The following CDH1 variants were observed in gnomAD, a reference collection of about 807,000 sequenced individuals.
CDH1 encodes cadherin-1.
Under a neutral mutation model 84.5 loss-of-function variants are expected in CDH1, and 35 were observed. The ratio of observed to expected loss-of-function variants is 0.41; its 90% confidence interval spans 0.32 to 0.55. The LOEUF (loss-of-function observed/expected upper bound fraction) is 0.55. Among genes scored for constraint, CDH1 ranks in the 20% least tolerant of loss-of-function variants. CDH1 has a pLI of 0.19. For missense variants in CDH1, 994 were observed against 1,126.6 expected, an observed-to-expected ratio of 0.88 and a Z score of 1.68; for synonymous variants, 417 against 439.0, an observed-to-expected ratio of 0.95 and a Z score of 0.63.
intron 10 of CDH1, among the ~76,000 whole-genome samples, chr16:68,818,138 G>C (rs1961028397): frequency 6.6e-6 from 1 of 151,210 alleles, no homozygotes; most frequent in East Asian, 1.9e-4. Flanking sequence ...TATTCAGGAG[G>C]CTGGGGCAGG....
chr16:68,760,918 G>T (rs1959215040), intron 2 of CDH1, among the ~76,000 whole-genome samples: 1 of 152,132 alleles, frequency 6.6e-6, no homozygotes, highest in African/African-American at 2.4e-5. Flanking sequence ...GCTGAGAGGG[G>T]GATGCCCCAA....
chr16:68,806,255 A>G lies in CDH1; in HGVS notation c.388-2169A>G, dbSNP rs545565050. 1.3e-4 allele frequency among the ~76,000 whole-genome samples: 19 copies of G among 151,468 alleles called. No individual in the cohort carries two copies. In the East Asian group the frequency reaches 3.3e-3, roughly 26 times the overall value. On this transcript the variant is annotated intron_variant, in intron 3 of 15. Coordinates refer to ENST00000261769, the MANE Select transcript of CDH1 (RefSeq NM_004360.5). ...CAACCTCTGCCTCCCGGGTTCAAGC[A>G]ATTCTCACGCCTCAGCCTCCCAAGT...
intron 10 of CDH1, among the ~76,000 whole-genome samples, 163 bp downstream of exon 10, chr16:68,815,922 T>C (rs1485638268): frequency 1.3e-5 from 2 of 152,252 alleles, no homozygotes; most frequent in Non-Finnish European, 2.9e-5. Flanking sequence ...CTTTCACCTG[T>C]TCCCTTCCCT....
intron 2 of CDH1, among the ~76,000 whole-genome samples, chr16:68,755,696 C>G (rs1298571844): frequency 6.6e-6 from 1 of 151,946 alleles, no homozygotes; most frequent in Admixed American, 6.6e-5. Flanking sequence ...ATGCTCATTC[C>G]AAGCCACTCC....
chr16:68,823,481 G>C lies in CDH1; in HGVS notation c.2019G>C (p.Gln673His), dbSNP rs1596965752. 4 of 1,614,078 alleles carry C rather than the reference G, an allele frequency of 2.5e-6. No homozygotes were observed. Among genetic ancestry groups the C allele is most frequent in the Non-Finnish European group, 2.5e-6 (3 of 1,179,998 alleles). ...TCAATCTCAAGCTCATGGATAACCA[G>C]AATAAAGACCAAGTGACCACCTTAG... ...YKINLKLMDN[Q>H]NKDQVTTLEV... Residue 673 changes from glutamine to histidine, a missense_variant, in exon 13 of 16, where the codon CAG (glutamine) becomes CAC (histidine). Physicochemically the swap from Gln to His is conservative, Grantham distance 24. Coordinates refer to ENST00000261769, the MANE Select transcript of CDH1 (RefSeq NM_004360.5).
chr16:68,821,320 T>A (rs1004511379), intron 11 of CDH1, among the ~76,000 whole-genome samples: 11 of 151,802 alleles, frequency 7.2e-5, no homozygotes, highest in African/African-American at 2.7e-4. Flanking sequence ...AAAAAAAATT[T>A]AAAAACTAGC....
rs202115589 is a variant in CDH1 at position 68,819,424 on chromosome 16, T to C, written c.1710T>C (p.Asn570=). 18 of 1,613,160 alleles carry C rather than the reference T, an allele frequency of 1.1e-5. No individual in the cohort carries two copies. In the Admixed American group the frequency reaches 2.8e-4, roughly 25 times the overall value. The change falls in exon 11 of 16, where the codon AAT becomes AAC. Residue 570 remains asparagine, a splice_region_variant and synonymous_variant. Coordinates refer to ENST00000261769, the MANE Select transcript of CDH1 (RefSeq NM_004360.5). ...TYTALIIATD[N]GSPVATGTGT... Reference sequence around the variant, plus strand: ...CAGCCCTAATCATAGCTACAGACAATGGTAAGGGGGCCTCATCTGAGCCTT... The same window carrying C: ...CAGCCCTAATCATAGCTACAGACAACGGTAAGGGGGCCTCATCTGAGCCTT...
rs1555518270 is a variant in CDH1, at chr16:68,833,444, G to A, written c.2594G>A (p.Trp865Ter). 6.2e-7 allele frequency: 1 copy of A among 1,614,158 alleles called. No individual in the cohort carries two copies. Among genetic ancestry groups the A allele is most frequent in the Non-Finnish European group, 8.5e-7 (1 of 1,180,030 alleles). Residue 865 changes from tryptophan to a stop codon, truncating the protein, a stop_gained, in exon 16 of 16, where the codon TGG becomes TAG. Coordinates refer to ENST00000261769, the MANE Select transcript of CDH1 (RefSeq NM_004360.5). LOFTEE classifies it high-confidence loss of function. ...KDQDYDYLNE[W>*]GNRFKKLADM... The stretch of plus-strand genomic sequence containing the variant: ...CAGGACTATGACTACTTGAACGAAT[G>A]GGGCAATCGCTTCAAGAAGCTGGCT...
intron 2 of CDH1, among the ~76,000 whole-genome samples, chr16:68,761,877 G>A (rs545953104): frequency 1.8e-4 from 27 of 152,174 alleles, no homozygotes; most frequent in South Asian, 4.1e-4. Flanking sequence ...GGCAGAGGGG[G>A]TGGCAGCATG....
At chr16:68,802,293 G>A (rs776869880) in intron 3 of CDH1, among the ~76,000 whole-genome samples, 2 of 152,172 alleles carry the variant, frequency 1.3e-5, no homozygotes, top group Non-Finnish European at 2.9e-5. Flanking sequence ...TAATGTTGGA[G>A]GAATTACGTC....
At chr16:68,779,194 G>A (rs1959808903) in intron 2 of CDH1, among the ~76,000 whole-genome samples, 1 of 152,208 alleles carries the variant, frequency 6.6e-6, no homozygotes, top group African/African-American at 2.4e-5. Context: ...CACCTGCAGT[G>A]CGGGCTTGAC....
chr16:68,757,682 C>G lies in CDH1; in HGVS notation c.163+19271C>G, dbSNP rs973867003. Among the ~76,000 whole-genome samples, 6 of 152,138 alleles carry G rather than the reference C, an allele frequency of 3.9e-5. 1 individual carries two copies. On this transcript the variant is annotated intron_variant, in intron 2 of 15. Transcript: ENST00000261769. ...CAGCAGGATTGCCTGGATTCCAATC[C>G]CAACTGGACCCTTACTTTTCCTGTG... is the stretch of plus-strand genomic sequence containing the variant.
At chr16:68,761,411 T>C (rs1959223774) in intron 2 of CDH1, among the ~76,000 whole-genome samples, 1 of 152,218 alleles carries the variant, frequency 6.6e-6, no homozygotes, top group African/African-American at 2.4e-5. Flanking sequence ...TCACCCATCC[T>C]ACCCATCCAT....
At chr16:68,823,334 AT>A in intron 12 of CDH1, 64 bp from the exon 13 acceptor site, 1 of 1,200,848 alleles carries the variant, frequency 8.3e-7, no homozygotes, top group East Asian at 2.3e-5. Flanking sequence ...TAGCAATTTT[AT>A]TCTGGAATGA....
Position 68,801,757 on chromosome 16 carries a change from C to T in CDH1, c.251C>T (p.Thr84Ile), listed in dbSNP as rs754388534. 3.7e-6 allele frequency: 6 copies of T among 1,614,054 alleles called. No individual in the cohort carries two copies. Among genetic ancestry groups the T allele is most frequent in the Non-Finnish European group, 4.2e-6 (5 of 1,179,986 alleles). ...AAAGTGGGCACAGATGGTGTGATTA[C>T]AGTCAAAAGGCCTCTACGGTTTCAT... ...RFKVGTDGVITVKRPLRFHNP... is the reference protein window; with the variant it reads ...RFKVGTDGVIIVKRPLRFHNP... The change falls in exon 3 of 16, where the codon ACA (threonine) becomes ATA (isoleucine). Residue 84 changes from threonine to isoleucine, a missense_variant. Coordinates refer to ENST00000261769, the MANE Select transcript of CDH1 (RefSeq NM_004360.5).
rs34912692 is a variant in CDH1 at position 68,745,128 on chromosome 16, G to T, written c.163+6717G>T. 2.6e-5 allele frequency among the ~76,000 whole-genome samples: 4 copies of T among 152,006 alleles called. No individual in the cohort carries two copies. The East Asian group carries it at 7.8e-4, about 30-fold the overall frequency. On this transcript the variant is annotated intron_variant, in intron 2 of 15. Transcript: ENST00000261769. The stretch of plus-strand genomic sequence containing the variant: ...AGTGGGAGGAGTGGGGCAAGGCGCA[G>T]CTAGGGCCGGGGGAGTCGGGATGAT...
chr16:68,762,063 C>T (rs1959234803), intron 2 of CDH1, among the ~76,000 whole-genome samples: 1 of 152,226 alleles, frequency 6.6e-6, no homozygotes, highest in Non-Finnish European at 1.5e-5. Flanking sequence ...AGGTTCTGAG[C>T]TGAGCACAGA....
At chr16:68,747,513 C>T (rs1253054086) in intron 2 of CDH1, among the ~76,000 whole-genome samples, 1 of 152,118 alleles carries the variant, frequency 6.6e-6, no homozygotes, top group Non-Finnish European at 1.5e-5. Flanking sequence ...GTATGGCAGA[C>T]AGTGAAGTCT....
intron 2 of CDH1, among the ~76,000 whole-genome samples, chr16:68,784,224 G>A (rs1208949830): frequency 6.6e-6 from 1 of 151,834 alleles, no homozygotes; most frequent in African/African-American, 2.4e-5. Flanking sequence ...CTCTTAAAAA[G>A]CCATACTGAT....
Sources: allele counts gnomAD v4.1 joint callset (sites outside exome capture counted in the v4.1 genomes callset), GRCh38; gene constraint gnomAD v4.1.1; transcripts MANE v1.5; gene names NCBI Gene and HGNC (gene_info 2026-07-23, HGNC 2026-07-21).